EPHA3: variants seen among roughly 807,000 people sequenced by gnomAD.
EPHA3 encodes the protein EPH receptor A3.
Under a neutral mutation model 107.1 loss-of-function variants are expected in EPHA3, and 42 were observed. The observed-to-expected ratio is 0.39, with a 90% CI of 0.31 to 0.51. The LOEUF (loss-of-function observed/expected upper bound fraction) is 0.51. EPHA3 is among the 20% of genes least tolerant of loss of function. EPHA3 has a pLI of 0.78. For missense variants in EPHA3, 1,183 were observed against 1,211.2 expected, an observed-to-expected ratio of 0.98 and a Z score of 0.35; for synonymous variants, 461 against 424.8, an observed-to-expected ratio of 1.09 and a Z score of -1.05.
At chr3:89,239,052 T>G (rs532030257) in intron 3 of EPHA3, among the ~76,000 whole-genome samples, 2 of 152,208 alleles carry the variant, frequency 1.3e-5, no homozygotes, top group African/African-American at 2.4e-5. Flanking sequence ...CTCAAGAATA[T>G]GACGTAAGAA....
At chr3:89,183,582 C>T (rs1380849156) in intron 2 of EPHA3, among the ~76,000 whole-genome samples, 1 of 151,662 alleles carries the variant, frequency 6.6e-6, no homozygotes, top group Non-Finnish European at 1.5e-5. Context: ...GTACTCCCTA[C>T]ACACACACAC....
In EPHA3 at chr3:89,136,330, C is replaced by CTTTTTTTTTTTTTTTT. The variant is rs67054298; in HGVS notation, c.153+9066_153+9081dup. Among the ~76,000 whole-genome samples the CTTTTTTTTTTTTTTTT allele has an allele frequency of 4.8e-3, 113 of 23,386 alleles. 30 individuals are homozygous for CTTTTTTTTTTTTTTTT. Among genetic ancestry groups the CTTTTTTTTTTTTTTTT allele is most frequent in the East Asian group, 6.6e-3 (5 of 760 alleles). The allele number at this position is 23,386 out of a possible 152,430, so 15.3% of individuals were successfully genotyped here. On this transcript the variant is annotated intron_variant, in intron 2 of 16. Coordinates refer to ENST00000336596, the MANE Select transcript of EPHA3 (RefSeq NM_005233.6). ...GAAAAACATGGCAAAATCTTACAGGCTTTTTTTTTTTTTTTTTTTTTTTTG... is the reference window on the plus strand; with the variant it reads ...GAAAAACATGGCAAAATCTTACAGGCTTTTTTTTTTTTTTTTTTTTTTTTTTTTTTTTTTTTTTTTG...
intron 3 of EPHA3, among the ~76,000 whole-genome samples, chr3:89,270,841 T>C (rs534146839): frequency 6.6e-6 from 1 of 151,992 alleles, no homozygotes; most frequent in Non-Finnish European, 1.5e-5. Context: ...TAAAGTAAAC[T>C]AGAGAAAAGA....
chr3:89,131,349 A>G (rs1268130215), intron 2 of EPHA3, among the ~76,000 whole-genome samples: 1 of 152,192 alleles, frequency 6.6e-6, no homozygotes, highest in Non-Finnish European at 1.5e-5. Flanking sequence ...GATTTGGAGA[A>G]CAATCAACAC....
chr3:89,235,657 A>G (rs12496791), intron 3 of EPHA3, among the ~76,000 whole-genome samples: 20,857 of 151,932 alleles, frequency 0.14, 1,539 homozygotes, highest in African/African-American at 0.19. Context: ...ATAATTTTTC[A>G]TGAACATGGT....
chr3:89,325,843 G>C (rs1003684681), intron 3 of EPHA3, among the ~76,000 whole-genome samples: 2 of 151,434 alleles, frequency 1.3e-5, no homozygotes, highest in Non-Finnish European at 2.9e-5. Flanking sequence ...AATAAAAAAA[G>C]TTTCCTTAGT....
At chr3:89,363,183 T>G (rs919881357) in intron 5 of EPHA3, among the ~76,000 whole-genome samples, 1 of 150,826 alleles carries the variant, frequency 6.6e-6, no homozygotes, top group Non-Finnish European at 1.5e-5. Context: ...TGTGTATCTA[T>G]CTATCCATTG....
chr3:89,212,722 G>A (rs1704132685), intron 3 of EPHA3, among the ~76,000 whole-genome samples: 1 of 151,894 alleles, frequency 6.6e-6, no homozygotes, highest in African/African-American at 2.4e-5. Context: ...GAGCCAGATA[G>A]CAGAAGGTTA....
At chr3:89,157,886 C>A (rs1203817849) in intron 2 of EPHA3, among the ~76,000 whole-genome samples, 1 of 150,882 alleles carries the variant, frequency 6.6e-6, no homozygotes, top group Admixed American at 6.6e-5. Flanking sequence ...GGAAAGAAGT[C>A]AGGGGAAAGA....
Position 89,341,952 on chromosome 3 carries a change from A to G in EPHA3, c.1168A>G (p.Thr390Ala). Residue 390 changes from threonine to alanine, a missense_variant, in exon 5 of 17, where the codon ACC (threonine) becomes GCC (alanine). Coordinates refer to ENST00000336596, the MANE Select transcript of EPHA3 (RefSeq NM_005233.6). ...VRFLPRQFGL[T>A]NTTVTVTDLL... is the part of the protein sequence containing the mutation. Reference sequence around the variant, plus strand: ...CTTCCTCCCTCGACAGTTTGGACTCACCAACACCACGGTGACAGTGACAGA... The same window carrying G: ...CTTCCTCCCTCGACAGTTTGGACTCGCCAACACCACGGTGACAGTGACAGA... The G allele has an allele frequency of 6.2e-7, 1 of 1,613,560 alleles. No homozygotes were observed. Among genetic ancestry groups the G allele is most frequent in the Non-Finnish European group, 8.5e-7 (1 of 1,179,902 alleles).
chr3:89,323,666 G>A (rs1316064426), intron 3 of EPHA3, among the ~76,000 whole-genome samples: 1 of 151,910 alleles, frequency 6.6e-6, no homozygotes, highest in Admixed American at 6.6e-5. Flanking sequence ...GGTTCATAAA[G>A]AAATCAAAAC....
chr3:89,123,565 A>T (rs1157057762), intron 1 of EPHA3, among the ~76,000 whole-genome samples: 1 of 152,224 alleles, frequency 6.6e-6, no homozygotes, highest in African/African-American at 2.4e-5. Context: ...CAACAGTCCA[A>T]GTAAGGATTG....
chr3:89,350,822 T>C (rs1707795034), intron 5 of EPHA3, among the ~76,000 whole-genome samples: 1 of 151,154 alleles, frequency 6.6e-6, no homozygotes, highest in Non-Finnish European at 1.5e-5. Flanking sequence ...TGTTTGTTAG[T>C]TTTCCTTCTA....
intron 2 of EPHA3, among the ~76,000 whole-genome samples, chr3:89,175,546 T>G (rs1454007222): frequency 6.6e-6 from 1 of 152,126 alleles, no homozygotes; most frequent in Non-Finnish European, 1.5e-5. Flanking sequence ...CCTTGTTGAG[T>G]TATTAACTTC....
chr3:89,274,972 A>G (rs1705770312), intron 3 of EPHA3, among the ~76,000 whole-genome samples: 1 of 152,028 alleles, frequency 6.6e-6, no homozygotes, highest in South Asian at 2.1e-4. Context: ...TTTACTTTAT[A>G]ATTCTAGTGC....
chr3:89,170,257 GA>G (rs11450957), intron 2 of EPHA3, among the ~76,000 whole-genome samples: 432 of 114,046 alleles, frequency 3.8e-3, no homozygotes, highest in Admixed American at 7.4e-3. Context: ...CTCCGTATCA[GA>G]AAAAAAAAAA....
chr3:89,262,004 G>A (rs185819130), intron 3 of EPHA3, among the ~76,000 whole-genome samples: 97 of 151,598 alleles, frequency 6.4e-4, no homozygotes, highest in Non-Finnish European at 2.7e-4. Flanking sequence ...TTACCTTTTC[G>A]AATGCCTACA....
intron 15 of EPHA3, among the ~76,000 whole-genome samples, chr3:89,459,594 A>G (rs1710179302): frequency 6.7e-6 from 1 of 149,902 alleles, no homozygotes; most frequent in African/African-American, 2.5e-5. Context: ...CTGGCATGCA[A>G]TGGTGCCATC....
At chr3:89,432,202 T>C (rs1419459037) in intron 13 of EPHA3, among the ~76,000 whole-genome samples, 1 of 152,182 alleles carries the variant, frequency 6.6e-6, no homozygotes, top group Non-Finnish European at 1.5e-5. Flanking sequence ...ATGTTTTGTG[T>C]CAAAGATTAC....
Sources: gnomAD v4.1 joint callset for allele counts (sites outside exome capture counted in the v4.1 genomes callset) on GRCh38, gnomAD v4.1.1 for gene constraint, MANE v1.5 for transcripts, NCBI Gene and HGNC (gene_info 2026-07-23, HGNC 2026-07-21) for gene names.